The following GABRA6 variants were observed in gnomAD, a reference collection of about 807,000 sequenced individuals.
GABRA6 encodes gamma-aminobutyric acid type A receptor subunit alpha6.
Under a neutral mutation model 47.3 loss-of-function variants are expected in GABRA6, and 45 were observed. That is an observed-to-expected ratio of 0.95 (90% CI 0.75 to 1.22). The LOEUF (loss-of-function observed/expected upper bound fraction) is 1.22. GABRA6 is among the 50% of genes most tolerant of loss of function. The pLI is 0.00. For synonymous variants in GABRA6, 219 were observed against 194.7 expected (o/e 1.12, Z -1.04); for missense variants, 583 against 549.3 (o/e 1.06, Z -0.61).
rs539296903 is a variant in GABRA6, at chr5:161,692,173, T to C, written c.1059T>C (p.Thr353=). ...CCACAGTGACAATATCAAAAGCTACTGAACCTTTGGAAGCTGAGATTGTTT... is the reference window on the plus strand; with the variant it reads ...CCACAGTGACAATATCAAAAGCTACCGAACCTTTGGAAGCTGAGATTGTTT... The part of the protein sequence containing the change: ...APPTVTISKA[T]EPLEAEIVLH... The change falls in exon 8 of 9, where the codon ACT becomes ACC. Residue 353 remains threonine (T), a synonymous_variant. Coordinates refer to ENST00000274545, the MANE Select transcript of GABRA6 (RefSeq NM_000811.3). 1.1e-4 allele frequency: 179 copies of C among 1,614,236 alleles called. 2 individuals carry two copies. The South Asian group carries it at 1.9e-3, about 17-fold the overall frequency.
intron 8 of GABRA6, among the ~76,000 whole-genome samples, chr5:161,692,475 A>C (rs1166617426): frequency 1.3e-5 from 2 of 152,230 alleles, no homozygotes; most frequent in African/African-American, 4.8e-5. Flanking sequence ...GAAAATTCTA[A>C]GCCTTTAGAT....
chr5:161,689,083 T>C lies in GABRA6; in HGVS notation c.360T>C (p.Asn120=). 6.2e-7 allele frequency: 1 copy of C among 1,614,046 alleles called. No homozygotes were observed. The highest frequency in any genetic ancestry group is 8.5e-7 in the Non-Finnish European group (1 of 1,179,960). ...GGACGCCTGACACCTTTTTCAGAAATGGTAAAAAGTCCATTGCTCACAACA... is the reference window on the plus strand; with the variant it reads ...GGACGCCTGACACCTTTTTCAGAAACGGTAAAAAGTCCATTGCTCACAACA... ...KIWTPDTFFR[N]GKKSIAHNMT... The change falls in exon 4 of 9, where the codon AAT becomes AAC. Residue 120 remains asparagine, a synonymous_variant. Coordinates refer to ENST00000274545, the MANE Select transcript of GABRA6 (RefSeq NM_000811.3).
At chr5:161,692,285 T>G (rs1581122890) in intron 8 of GABRA6, 85 bp downstream of exon 8, 1 of 1,515,930 alleles carries the variant, frequency 6.6e-7, no homozygotes. Context: ...TGTCCAAAAG[T>G]AATGTGAGTT....
At chr5:161,700,351 C>T (rs1277333979) in intron 8 of GABRA6, among the ~76,000 whole-genome samples, 1 of 152,142 alleles carries the variant, frequency 6.6e-6, no homozygotes, top group Non-Finnish European at 1.5e-5. Context: ...AGGGGTAATG[C>T]ACAGCAAGTG....
chr5:161,689,362 T>A lies in GABRA6; in HGVS notation c.529+26T>A, dbSNP rs1478917389. The A allele has an allele frequency of 3.2e-6, 5 of 1,566,204 alleles. No individual in the cohort carries two copies. In the Admixed American group the frequency reaches 6.7e-5, roughly 21 times the overall value. ...GTAAGTTACAACAGGCTTCTGAGAG[T>A]CAAATAATACATCCAAAATATATAA... On this transcript the variant is annotated intron_variant, in intron 5 of 8. Coordinates refer to ENST00000274545, the MANE Select transcript of GABRA6 (RefSeq NM_000811.3).
At chr5:161,688,883 C>T (rs12515485) in intron 3 of GABRA6, 66 bp from the exon 4 acceptor site, 231,969 of 1,329,188 alleles carry the variant, frequency 0.17, 23,332 homozygotes, top group East Asian at 0.37. Flanking sequence ...GGTGTATAGG[C>T]TAGTGAATAA....
chr5:161,688,224 TTATA>T (rs1404559991), intron 3 of GABRA6, among the ~76,000 whole-genome samples: 1 of 152,146 alleles, frequency 6.6e-6, no homozygotes, highest in Non-Finnish European at 1.5e-5. Context: ...ATAAAGGAAT[TTATA>T]TAGTAGGCAA....
chr5:161,698,499 A>T (rs1754920383), intron 8 of GABRA6, among the ~76,000 whole-genome samples: 1 of 152,140 alleles, frequency 6.6e-6, no homozygotes, highest in Non-Finnish European at 1.5e-5. Flanking sequence ...AAATAGATAT[A>T]GCTAAGATTC....
intron 7 of GABRA6, 97 bp from the exon 8 acceptor site, chr5:161,691,844 G>A (rs1754798533): frequency 9.7e-7 from 1 of 1,032,120 alleles, no homozygotes; most frequent in South Asian, 1.4e-5. Context: ...CTTTGCCTTG[G>A]TAGAGTTTTT....
intron 8 of GABRA6, among the ~76,000 whole-genome samples, chr5:161,698,771 C>T (rs1397909103): frequency 2.6e-5 from 4 of 152,070 alleles, no homozygotes; most frequent in Admixed American, 2.0e-4. Context: ...TCCAACTCTC[C>T]TTGTTCTCTT....
intron 3 of GABRA6, 75 bp from the exon 4 acceptor site, chr5:161,688,874 G>T: frequency 1.6e-6 from 2 of 1,230,512 alleles, no homozygotes; most frequent in South Asian, 1.2e-5. Context: ...TTGAGATTGG[G>T]TGTATAGGCT....
chr5:161,689,128 C>T lies in GABRA6; in HGVS notation c.405C>T (p.Leu135=). 1 of 1,614,014 alleles carries T rather than the reference C, an allele frequency of 6.2e-7. No individual in the cohort carries two copies. The highest frequency in any genetic ancestry group is 8.5e-7 in the Non-Finnish European group (1 of 1,179,940). Residue 135 remains leucine (L), a synonymous_variant, in exon 4 of 9, where the codon CTC becomes CTT. Transcript: ENST00000274545. ...IAHNMTTPNK[L]FRIMQNGTIL... is the part of the protein sequence containing the mutation. ...ACAACATGACAACTCCTAATAAACT[C>T]TTCAGAATAATGCAGAATGGAACCA...
intron 8 of GABRA6, among the ~76,000 whole-genome samples, chr5:161,696,565 G>A (rs1308737422): frequency 6.6e-6 from 1 of 152,150 alleles, no homozygotes; most frequent in East Asian, 1.9e-4. Context: ...TAGGTGGTTA[G>A]CCCCTTCCCC....
chr5:161,687,648 T>C, intron 3 of GABRA6: 1 of 371,464 alleles, frequency 2.7e-6, no homozygotes, highest in Non-Finnish European at 5.4e-6. Flanking sequence ...CATTTCTCTC[T>C]AAAACGGAAG....
intron 8 of GABRA6, among the ~76,000 whole-genome samples, chr5:161,696,792 C>T (rs1352514325): frequency 6.6e-6 from 1 of 152,124 alleles, no homozygotes; most frequent in Non-Finnish European, 1.5e-5. Flanking sequence ...TAATTTTCCC[C>T]ATAACGATTA....
At position 161,702,328 on chromosome 5, in the gene GABRA6, T is replaced by C. The variant is rs1472518312; in HGVS notation, c.*555T>C. On this transcript the variant is annotated 3_prime_UTR_variant, in exon 9 of 9. Transcript: ENST00000274545. The stretch of plus-strand genomic sequence containing the variant: ...TTTAACCTCGCTGTGCTCTTTTACC[T>C]CAATAAAATGTGGTGTTTGTATACA... 2.5e-5 allele frequency: 4 copies of C among 159,016 alleles called. No homozygotes were observed. Among genetic ancestry groups the C allele is most frequent in the Non-Finnish European group, 4.2e-5 (3 of 71,860 alleles). The allele number at this position is 159,016 out of a possible 1,614,324, so 9.9% of individuals were successfully genotyped here.
chr5:161,698,613 CAT>C (rs1199783950), intron 8 of GABRA6, among the ~76,000 whole-genome samples: 2 of 151,794 alleles, frequency 1.3e-5, no homozygotes, highest in Admixed American at 1.3e-4. Flanking sequence ...TTCTTAAAAA[CAT>C]AGGAAAAAAG....
chr5:161,693,325 G>A (rs1033609597), intron 8 of GABRA6, among the ~76,000 whole-genome samples: 4 of 152,032 alleles, frequency 2.6e-5, no homozygotes, highest in Admixed American at 2.6e-4. Flanking sequence ...GAAATGAGAG[G>A]CATCCCCATA....
chr5:161,688,227 T>C (rs969774496), intron 3 of GABRA6, among the ~76,000 whole-genome samples: 2 of 152,158 alleles, frequency 1.3e-5, no homozygotes, highest in South Asian at 2.1e-4. Flanking sequence ...AAGGAATTTA[T>C]ATAGTAGGCA....
Sources: allele counts gnomAD v4.1 joint callset (sites outside exome capture counted in the v4.1 genomes callset), GRCh38; gene constraint gnomAD v4.1.1; transcripts MANE v1.5; gene names NCBI Gene and HGNC (gene_info 2026-07-23, HGNC 2026-07-21).